Variants in DISC1 observed in about 807,000 individuals in gnomAD.
The protein encoded by DISC1 is DISC1 scaffold protein, also known as disrupted in schizophrenia 1 protein.
A neutral mutation model predicts 84.5 loss-of-function variants in DISC1; 57 were observed. That is an observed-to-expected ratio of 0.67 (90% CI 0.55 to 0.84). DISC1 has a LOEUF of 0.84. DISC1 is among the 40% of genes least tolerant of loss of function. DISC1 has a pLI of 0.00. For missense variants in DISC1, 1,000 were observed against 1,057.8 expected (o/e 0.95, Z 0.76); for synonymous variants, 411 against 415.2 (o/e 0.99, Z 0.12).
At chr1:231,972,668 T>C (rs1331683930) in intron 10 of DISC1, among the ~76,000 whole-genome samples, 1 of 152,182 alleles carries the variant, frequency 6.6e-6, no homozygotes, top group Non-Finnish European at 1.5e-5. Context: ...TCAGATTCCA[T>C]GCATAAATCT....
chr1:232,008,694 C>A, intron 10 of DISC1, 91 bp from the exon 11 acceptor site: 1 of 1,421,118 alleles, frequency 7.0e-7, no homozygotes, highest in Non-Finnish European at 9.4e-7. Flanking sequence ...AGATGACCAG[C>A]TGACTTTTAG....
At chr1:231,969,137 C>T (rs1047059856) in intron 10 of DISC1, among the ~76,000 whole-genome samples, 1 of 150,734 alleles carries the variant, frequency 6.6e-6, no homozygotes, top group African/African-American at 2.4e-5. Context: ...GTAGCTAATA[C>T]CCTCCATTAA....
At chr1:231,633,511 T>C (rs958320240) in intron 1 of DISC1, among the ~76,000 whole-genome samples, 5 of 152,214 alleles carry the variant, frequency 3.3e-5, no homozygotes, top group Non-Finnish European at 5.9e-5. Context: ...GTAAATTTCC[T>C]ATTCCCTGCT....
intron 10 of DISC1, among the ~76,000 whole-genome samples, chr1:231,999,936 C>A (rs186972946): frequency 5.3e-5 from 8 of 152,294 alleles, no homozygotes; most frequent in Non-Finnish European, 2.9e-5. Context: ...TCCATTGGAA[C>A]CACATATAGA....
intron 9 of DISC1, among the ~76,000 whole-genome samples, chr1:231,943,078 C>T (rs2091440617): frequency 6.6e-6 from 1 of 152,248 alleles, no homozygotes. Flanking sequence ...GGCCGTGATA[C>T]AGCCCAAGGC....
intron 9 of DISC1, chr1:231,818,977 AGG>A: frequency 2.0e-6 from 2 of 1,000,258 alleles, no homozygotes; most frequent in Non-Finnish European, 2.4e-6. Context: ...TTCCCCAGGA[AGG>A]ATGATGTAGA....
chr1:232,005,907 A>G (rs941425960), intron 10 of DISC1, among the ~76,000 whole-genome samples: 2 of 141,940 alleles, frequency 1.4e-5, no homozygotes, highest in African/African-American at 5.3e-5. Flanking sequence ...GGGAGAAAAT[A>G]TATATTTTCA....
At chr1:232,001,163 C>G (rs1420759269) in intron 10 of DISC1, among the ~76,000 whole-genome samples, 1 of 152,166 alleles carries the variant, frequency 6.6e-6, no homozygotes, top group African/African-American at 2.4e-5. Context: ...ACCGCAACCT[C>G]CAATTCCCAG....
intron 9 of DISC1, among the ~76,000 whole-genome samples, chr1:231,872,466 A>C (rs2085534705): frequency 6.6e-6 from 1 of 152,188 alleles, no homozygotes; most frequent in African/African-American, 2.4e-5. Flanking sequence ...CCACAGTCTG[A>C]TGCTTTGGCT....
At chr1:231,700,477 TAACA>T (rs1402787253) in intron 2 of DISC1, among the ~76,000 whole-genome samples, 3 of 152,248 alleles carry the variant, frequency 2.0e-5, no homozygotes, top group Admixed American at 6.5e-5. Context: ...ATAATACATA[TAACA>T]AACAAAATAT....
chr1:231,882,494 C>T (rs201902504), intron 9 of DISC1, among the ~76,000 whole-genome samples: 319 of 152,324 alleles, frequency 2.1e-3, no homozygotes, highest in Middle Eastern at 6.8e-3. Flanking sequence ...TCACACTGCG[C>T]TTATTGGTCT....
intron 9 of DISC1, among the ~76,000 whole-genome samples, chr1:231,825,489 A>C (rs2125793699): frequency 6.6e-6 from 1 of 152,322 alleles, no homozygotes; most frequent in South Asian, 2.1e-4. Context: ...GTACTCACAC[A>C]CGCTCATATA....
intron 9 of DISC1, among the ~76,000 whole-genome samples, chr1:231,958,210 G>A (rs200945603): frequency 1.4e-4 from 22 of 152,130 alleles, no homozygotes; most frequent in Non-Finnish European, 2.8e-4. Context: ...TCTTTTATCC[G>A]TAAAGTGCCT....
chr1:231,871,664 C>G (rs1042390218), intron 9 of DISC1, among the ~76,000 whole-genome samples: 1 of 152,198 alleles, frequency 6.6e-6, no homozygotes, highest in African/African-American at 2.4e-5. Flanking sequence ...TCAGGCCACC[C>G]TAAATCGCGG....
chr1:231,939,951 C>T (rs2091214587), intron 9 of DISC1, among the ~76,000 whole-genome samples: 1 of 151,872 alleles, frequency 6.6e-6, no homozygotes. Context: ...CCATGTTGGC[C>T]AGGCTGGTCT....
intron 9 of DISC1, among the ~76,000 whole-genome samples, chr1:231,924,444 C>A (rs1373886567): frequency 6.6e-6 from 1 of 152,128 alleles, no homozygotes; most frequent in Non-Finnish European, 1.5e-5. Context: ...CTATTGAAGC[C>A]TTTGTGCGAT....
chr1:231,762,495 T>C (rs996722105), intron 4 of DISC1, among the ~76,000 whole-genome samples: 1 of 138,836 alleles, frequency 7.2e-6, no homozygotes, highest in African/African-American at 2.7e-5. Context: ...CCACTGTGCC[T>C]AATTTTTAGT....
chr1:231,676,169 T>G (rs2063133956), intron 1 of DISC1, among the ~76,000 whole-genome samples: 1 of 152,246 alleles, frequency 6.6e-6, no homozygotes, highest in Non-Finnish European at 1.5e-5. Flanking sequence ...TTATACTCCT[T>G]TCTCTTTGTT....
At chr1:231,704,522 C>T (rs765386341) in intron 3 of DISC1, among the ~76,000 whole-genome samples, 1 of 151,974 alleles carries the variant, frequency 6.6e-6, no homozygotes, top group East Asian at 1.9e-4. Flanking sequence ...TTTGGGAGTC[C>T]GAGGCGGGTG....
Sources: allele counts gnomAD v4.1 joint callset (sites outside exome capture counted in the v4.1 genomes callset), GRCh38; gene constraint gnomAD v4.1.1; transcripts MANE v1.5; gene names NCBI Gene and HGNC (gene_info 2026-07-23, HGNC 2026-07-21).